ADAMTSL1: variants seen among roughly 807,000 people sequenced by gnomAD.
ADAMTSL1 encodes ADAMTS like 1.
A neutral mutation model predicts 201.8 loss-of-function variants in ADAMTSL1; 126 were observed. The ratio of observed to expected loss-of-function variants is 0.62; its 90% CI spans 0.54 to 0.72. ADAMTSL1 has a LOEUF of 0.72. ADAMTSL1 is among the 30% of genes least tolerant of loss of function. The pLI, the probability that ADAMTSL1 is intolerant of heterozygous loss-of-function variation, is 0.00. For missense variants in ADAMTSL1, 2,679 were observed against 2,277.8 expected (o/e 1.18, Z -3.59); for synonymous variants, 1,121 against 903.4 (o/e 1.24, Z -4.32).
At chr9:18,199,652 TC>T (rs1282128393) in intron 2 of ADAMTSL1, among the ~76,000 whole-genome samples, 1 of 152,148 alleles carries the variant, frequency 6.6e-6, no homozygotes, top group Non-Finnish European at 1.5e-5. Context: ...GTGTCTTTTT[TC>T]TGGAGAAAAT....
chr9:18,233,843 G>T (rs1830738636), intron 2 of ADAMTSL1, among the ~76,000 whole-genome samples: 1 of 152,114 alleles, frequency 6.6e-6, no homozygotes, highest in South Asian at 2.1e-4. Context: ...GTGGCCCTGG[G>T]GTGGCTCATG....
Position 18,622,358 on chromosome 9 carries a change from C to A in ADAMTSL1, c.590C>A (p.Ser197Tyr), listed in dbSNP as rs754322628. The A allele has an allele frequency of 6.2e-7, 1 of 1,614,040 alleles. No homozygotes were observed. Among genetic ancestry groups the A allele is most frequent in the South Asian group, 1.1e-5 (1 of 91,086 alleles). Residue 197 changes from serine (S) to tyrosine (Y), a missense_variant, in exon 5 of 29, where the codon TCC (serine) becomes TAC (tyrosine). Ser to Tyr is a moderately radical substitution (Grantham distance 144). Transcript: ENST00000380548. ...CGAGGGCAGTATAAATCCCAGCTCT[C>A]CGCAACCAAATGTAAGACACACAGA... Reference protein sequence around the residue: ...LVRGQYKSQLSATKSDDTVVA... With the variant: ...LVRGQYKSQLYATKSDDTVVA...
chr9:18,835,097 A>G (rs896660889), intron 23 of ADAMTSL1, among the ~76,000 whole-genome samples: 6 of 152,168 alleles, frequency 3.9e-5, no homozygotes, highest in African/African-American at 1.4e-4. Context: ...AGTGTAAGAA[A>G]GTTCTGAGTT....
intron 4 of ADAMTSL1, among the ~76,000 whole-genome samples, chr9:18,579,861 A>T (rs910574581): frequency 6.6e-6 from 1 of 152,214 alleles, no homozygotes; most frequent in Non-Finnish European, 1.5e-5. Flanking sequence ...ACCCCTATTT[A>T]TATTTGTTGT....
chr9:18,400,226 G>T (rs1380104626), intron 2 of ADAMTSL1, among the ~76,000 whole-genome samples: 1 of 119,598 alleles, frequency 8.4e-6, no homozygotes, highest in Admixed American at 9.5e-5. Flanking sequence ...TTGTCCTACT[G>T]TGATACTTAT....
intron 15 of ADAMTSL1, among the ~76,000 whole-genome samples, chr9:18,734,736 G>T (rs1291808822): frequency 6.6e-6 from 1 of 152,142 alleles, no homozygotes; most frequent in Non-Finnish European, 1.5e-5. Flanking sequence ...CTTGTTCTTA[G>T]AGCTGGTAAA....
At chr9:18,039,841 A>G (rs1222481846) in intron 1 of ADAMTSL1, among the ~76,000 whole-genome samples, 1 of 152,122 alleles carries the variant, frequency 6.6e-6, no homozygotes, top group Non-Finnish European at 1.5e-5. Flanking sequence ...TTTTGGGAGG[A>G]AGGTTAATTC....
intron 1 of ADAMTSL1, among the ~76,000 whole-genome samples, chr9:18,044,245 A>G (rs1821562778): frequency 6.6e-6 from 1 of 151,966 alleles, no homozygotes; most frequent in African/African-American, 2.4e-5. Context: ...ACTGCAGAGG[A>G]CTAGGCAGAT....
chr9:18,599,722 C>T (rs1824500901), intron 4 of ADAMTSL1, among the ~76,000 whole-genome samples: 3 of 151,782 alleles, frequency 2.0e-5, no homozygotes, highest in African/African-American at 4.8e-5. Flanking sequence ...TTCTGTTCTG[C>T]ACCCATCATG....
At chr9:18,528,130 G>T (rs1819209349) in intron 2 of ADAMTSL1, among the ~76,000 whole-genome samples, 1 of 152,104 alleles carries the variant, frequency 6.6e-6, no homozygotes, top group Admixed American at 6.6e-5. Context: ...CACCTGTCTT[G>T]GCCGCCCAAA....
Position 18,231,441 on chromosome 9 carries a change from A to C in ADAMTSL1, c.207+67460A>C, listed in dbSNP as rs566391649. 2.0e-5 allele frequency among the ~76,000 whole-genome samples: 3 copies of C among 152,280 alleles called. No individual in the cohort carries two copies. In the East Asian group the frequency reaches 5.8e-4, roughly 29 times the overall value. ...GGTTGACCAACCCCTCCTCCTTGGAATCTTTTGGCTTCCAGGAAAACACGT... is the reference window on the plus strand; with the variant it reads ...GGTTGACCAACCCCTCCTCCTTGGACTCTTTTGGCTTCCAGGAAAACACGT... On this transcript the variant is annotated intron_variant, in intron 2 of 29. Transcript: ENST00000680146.
At chr9:17,972,322 A>C (rs74949163) in intron 1 of ADAMTSL1, among the ~76,000 whole-genome samples, 2 of 3,004 alleles carry the variant, frequency 6.7e-4, no homozygotes, top group Non-Finnish European at 2.3e-3. Flanking sequence ...CCTCCCCCCA[A>C]GCTACAACAG....
chr9:18,588,762 G>T (rs2132460254), intron 4 of ADAMTSL1, among the ~76,000 whole-genome samples: 1 of 150,710 alleles, frequency 6.6e-6, no homozygotes, highest in East Asian at 1.9e-4. Context: ...AAATGGGTTG[G>T]CTGTTGGTGC....
At chr9:18,574,304 G>T (rs201291813) in intron 4 of ADAMTSL1, 38 bp downstream of exon 4, 1 of 1,542,098 alleles carries the variant, frequency 6.5e-7, no homozygotes, top group African/African-American at 1.4e-5. Flanking sequence ...TTGTCCAGAG[G>T]GTTTCAATGT....
Position 18,158,186 on chromosome 9 carries a change from G to A in ADAMTSL1, c.88-5676G>A, listed in dbSNP as rs147843401. Among the ~76,000 whole-genome samples, 640 of 152,038 alleles carry A rather than the reference G, an allele frequency of 4.2e-3. 5 individuals carry two copies. The highest frequency in any genetic ancestry group is 0.015 in the African/African-American group (610 of 41,512). The stretch of plus-strand genomic sequence containing the variant: ...GCAGAAAGGGGTTGTTGATACTCAT[G>A]TTTGATAAGCTGATTGAGCCTCTTC... On this transcript the variant is annotated intron_variant, in intron 1 of 29. Coordinates refer to the ADAMTSL1 transcript ENST00000680146.
intron 1 of ADAMTSL1, among the ~76,000 whole-genome samples, chr9:17,911,129 A>C (rs1241984756): frequency 1.5e-5 from 1 of 68,866 alleles, no homozygotes; most frequent in African/African-American, 2.9e-5. Context: ...CTTTCTTCTC[A>C]CTGAATTTCT....
intron 13 of ADAMTSL1, among the ~76,000 whole-genome samples, chr9:18,704,674 G>T (rs898454500): frequency 9.8e-5 from 15 of 152,308 alleles, no homozygotes; most frequent in South Asian, 2.1e-4. Flanking sequence ...GGGTTAAAAT[G>T]ATTTTGATAG....
intron 2 of ADAMTSL1, among the ~76,000 whole-genome samples, chr9:18,380,251 A>T (rs2133176366): frequency 6.6e-6 from 1 of 152,350 alleles, no homozygotes; most frequent in Non-Finnish European, 1.5e-5. Context: ...AAGAAGGATT[A>T]CAAAAGATTA....
At chr9:18,100,328 T>C (rs1385640640) in intron 1 of ADAMTSL1, among the ~76,000 whole-genome samples, 3 of 152,152 alleles carry the variant, frequency 2.0e-5, no homozygotes, top group Non-Finnish European at 4.4e-5. Context: ...TCACCCAGGC[T>C]AGAGTACAGT....
Sources: allele counts gnomAD v4.1 joint callset (sites outside exome capture counted in the v4.1 genomes callset), GRCh38; gene constraint gnomAD v4.1.1; transcripts MANE v1.5; gene names NCBI Gene and HGNC (gene_info 2026-07-23, HGNC 2026-07-21).